The following GRID2 variants were observed in gnomAD, a reference collection of about 807,000 sequenced individuals.
The protein encoded by GRID2 is glutamate ionotropic receptor delta type subunit 2, also known as glutamate receptor ionotropic, delta-2.
GRID2 carries 33 observed loss-of-function variants against 114.8 expected under a neutral mutation model. That is an observed-to-expected ratio of 0.29 (90% confidence interval 0.22 to 0.38). The LOEUF is 0.38. Ranked by LOEUF, GRID2 falls within the 10% of genes least tolerant of loss-of-function variation. GRID2 has a pLI of 1.00. For missense variants in GRID2, 1,184 were observed against 1,257.7 expected, an observed-to-expected ratio of 0.94 and a Z score of 0.89; for synonymous variants, 505 against 449.9, an observed-to-expected ratio of 1.12 and a Z score of -1.55.
At chr4:93,247,122 TG>T (rs1275623884) in intron 8 of GRID2, among the ~76,000 whole-genome samples, 1 of 152,060 alleles carries the variant, frequency 6.6e-6, no homozygotes, top group Admixed American at 6.5e-5. Flanking sequence ...ACCTCTCCAG[TG>T]TGGAGCAAAG....
intron 8 of GRID2, among the ~76,000 whole-genome samples, chr4:93,334,923 C>T (rs932506602): frequency 6.6e-6 from 1 of 151,656 alleles, no homozygotes; most frequent in Non-Finnish European, 1.5e-5. Context: ...AAGAGCAAAA[C>T]TCCGTCTCAA....
At chr4:93,251,009 C>G (rs1368710) in intron 8 of GRID2, among the ~76,000 whole-genome samples, 7,050 of 151,926 alleles carry the variant, frequency 0.046, 416 homozygotes, top group East Asian at 0.25. Context: ...GTAAAGATGT[C>G]CTTATTTACC....
At chr4:92,805,853 A>G (rs1462046592) in intron 2 of GRID2, among the ~76,000 whole-genome samples, 3 of 152,012 alleles carry the variant, frequency 2.0e-5, no homozygotes, top group East Asian at 3.9e-4. Flanking sequence ...GTTTCTCTAT[A>G]TGTTATTTTT....
chr4:92,443,439 C>T (rs1411636105), intron 1 of GRID2, among the ~76,000 whole-genome samples: 1 of 149,682 alleles, frequency 6.7e-6, no homozygotes, highest in East Asian at 2.0e-4. Context: ...GAAGGTTGCC[C>T]ATAGTGAAGG....
In GRID2 at chr4:93,107,694, A is replaced by G. The variant is rs570266037; in HGVS notation, c.530-3054A>G. Reference sequence around the variant, plus strand: ...ATTTTTAGTAGAGACGAGGTTTACCATGTTGGCCAGGCTGGTCTCGAACTC... The same window carrying G: ...ATTTTTAGTAGAGACGAGGTTTACCGTGTTGGCCAGGCTGGTCTCGAACTC... On this transcript the variant is annotated intron_variant, in intron 3 of 15. Coordinates refer to ENST00000282020, the MANE Select transcript of GRID2 (RefSeq NM_001510.4). Among the ~76,000 whole-genome samples, 52 of 152,054 alleles carry G rather than the reference A, an allele frequency of 3.4e-4. 1 individual carries two copies. Among genetic ancestry groups the G allele is most frequent in the African/African-American group, 1.2e-3 (48 of 41,454 alleles).
intron 13 of GRID2, among the ~76,000 whole-genome samples, chr4:93,533,413 A>T (rs1731705452): frequency 7.2e-6 from 1 of 139,116 alleles, no homozygotes; most frequent in Non-Finnish European, 1.5e-5. Context: ...ACAAAGTCTC[A>T]CTCAGTTACC....
chr4:93,154,469 T>A (rs1736994412), intron 4 of GRID2, among the ~76,000 whole-genome samples: 1 of 152,012 alleles, frequency 6.6e-6, no homozygotes, highest in Non-Finnish European at 1.5e-5. Context: ...GTCACACTAG[T>A]GGTTAAATAT....
chr4:93,231,236 T>G (rs1746098109), intron 7 of GRID2, among the ~76,000 whole-genome samples: 1 of 151,990 alleles, frequency 6.6e-6, no homozygotes, highest in Admixed American at 6.6e-5. Context: ...ATTTTTCATT[T>G]TTTTCTTAGT....
At chr4:93,796,853 G>A (rs1334320356) in intron 1 of GRID2, among the ~76,000 whole-genome samples, 3 of 152,124 alleles carry the variant, frequency 2.0e-5, no homozygotes, top group Non-Finnish European at 4.4e-5. Context: ...GCCAGTCATG[G>A]GAACGTACTT....
chr4:93,181,199 C>T (rs1211616459), intron 4 of GRID2, among the ~76,000 whole-genome samples: 3 of 152,144 alleles, frequency 2.0e-5, no homozygotes, highest in African/African-American at 7.2e-5. Context: ...TCTCCTTGTA[C>T]ATCTCCATCA....
rs867367240 is a variant in GRID2 at position 93,159,699 on chromosome 4, T to G, written c.736-47705T>G. Among the ~76,000 whole-genome samples the G allele has an allele frequency of 4.2e-3, 638 of 151,314 alleles. 9 individuals are homozygous for G. Among genetic ancestry groups the G allele is most frequent in the African/African-American group, 0.015 (615 of 41,372 alleles). ...AGAATTTTTTTCCATCTGCATTTTTTTTTTTTTTTTGCTTTTCTGTTTCAG... is the reference window on the plus strand; with the variant it reads ...AGAATTTTTTTCCATCTGCATTTTTGTTTTTTTTTTGCTTTTCTGTTTCAG... On this transcript the variant is annotated intron_variant, in intron 4 of 15. Coordinates refer to ENST00000282020, the MANE Select transcript of GRID2 (RefSeq NM_001510.4).
At chr4:93,207,313 C>T (rs1278262040) in intron 4 of GRID2, 91 bp from the exon 5 acceptor site, 2 of 869,742 alleles carry the variant, frequency 2.3e-6, no homozygotes, top group African/African-American at 3.3e-5. Context: ...ACATACGATT[C>T]ATTTTTTGTC....
At chr4:92,896,467 A>C (rs1006326655) in intron 2 of GRID2, among the ~76,000 whole-genome samples, 5 of 151,958 alleles carry the variant, frequency 3.3e-5, no homozygotes, top group African/African-American at 1.2e-4. Flanking sequence ...AATAATTTTC[A>C]CTAGTGCAGG....
At chr4:92,366,562 G>A (rs959099962) in intron 1 of GRID2, among the ~76,000 whole-genome samples, 18 of 151,860 alleles carry the variant, frequency 1.2e-4, no homozygotes, top group Admixed American at 3.9e-4. Flanking sequence ...AGTAGTTCCC[G>A]AAAATGTTGC....
intron 2 of GRID2, among the ~76,000 whole-genome samples, chr4:92,854,835 A>G (rs1744066663): frequency 6.6e-6 from 1 of 152,000 alleles, no homozygotes. Flanking sequence ...GAAAGTTTAT[A>G]GTTTATAGAA....
intron 2 of GRID2, among the ~76,000 whole-genome samples, chr4:92,974,708 A>G (rs1267393945): frequency 1.3e-5 from 2 of 151,804 alleles, no homozygotes; most frequent in East Asian, 3.9e-4. Flanking sequence ...TAGGGGAGGA[A>G]TAACATTAGG....
intron 11 of GRID2, among the ~76,000 whole-genome samples, chr4:93,471,213 T>C (rs1580176104): frequency 1.3e-5 from 2 of 152,324 alleles, no homozygotes; most frequent in South Asian, 4.1e-4. Context: ...TCCTTCCTTC[T>C]TTTGCTTCTG....
chr4:92,747,351 G>A (rs1482404457), intron 2 of GRID2, among the ~76,000 whole-genome samples: 1 of 152,010 alleles, frequency 6.6e-6, no homozygotes, highest in Admixed American at 6.6e-5. Context: ...TTTATTCAGG[G>A]AATGTTGAAT....
intron 1 of GRID2, among the ~76,000 whole-genome samples, chr4:92,392,159 T>C (rs1730271358): frequency 6.6e-6 from 1 of 152,110 alleles, no homozygotes; most frequent in Non-Finnish European, 1.5e-5. Context: ...TTTTAAAACG[T>C]TTGCTTTTAA....
Sources: gnomAD v4.1 joint callset for allele counts (sites outside exome capture counted in the v4.1 genomes callset) on GRCh38, gnomAD v4.1.1 for gene constraint, MANE v1.5 for transcripts, NCBI Gene and HGNC (gene_info 2026-07-23, HGNC 2026-07-21) for gene names.